Variants in SH3D19 observed in about 807,000 individuals in gnomAD.
SH3D19 encodes the protein SH3 domain-containing protein 19.
Under a neutral mutation model 112.1 loss-of-function variants are expected in SH3D19, and 58 were observed. The observed-to-expected ratio is 0.52, with a 90% CI of 0.42 to 0.64. The LOEUF (loss-of-function observed/expected upper bound fraction) is 0.64. Among genes scored for constraint, SH3D19 ranks in the 30% least tolerant of loss-of-function variants. The probability of loss-of-function intolerance (pLI) is 0.00; values close to 1 mark genes in which losing one functional copy is unlikely to be tolerated. For synonymous variants in SH3D19, 391 were observed against 448.5 expected (o/e 0.87, Z 1.62); for missense variants, 1,090 against 1,263.4 (o/e 0.86, Z 2.08).
rs1317885390 is a variant in SH3D19 at position 151,191,951 on chromosome 4, T to TTTTTTTC, written c.153-4489_153-4488insGAAAAAA. Among the ~76,000 whole-genome samples the TTTTTTTC allele has an allele frequency of 3.9e-3, 260 of 67,432 alleles. 6 individuals are homozygous for TTTTTTTC. The highest frequency in any genetic ancestry group is 6.1e-3 in the Admixed American group (34 of 5,584). The allele number at this position is 67,432 out of a possible 152,430, so 44.2% of individuals were successfully genotyped here. A position where few individuals can be genotyped will look rare whatever the true frequency, so the allele number is the denominator to read the frequency against. On this transcript the variant is annotated intron_variant, in intron 2 of 19. Coordinates refer to ENST00000604030, the MANE Select transcript of SH3D19 (RefSeq NM_001378122.1). ...TGAGCCACCACACCCAGCCCTTTTTTTTTTTTTTTTTTGATACAGAGTCTT... is the reference window on the plus strand; with the variant it reads ...TGAGCCACCACACCCAGCCCTTTTTTTTTTTTCTTTTTTTTTTTTGATACAGAGTCTT...
At chr4:151,236,057 T>A (rs1770008859) in intron 1 of SH3D19, among the ~76,000 whole-genome samples, 1 of 152,224 alleles carries the variant, frequency 6.6e-6, no homozygotes, top group Non-Finnish European at 1.5e-5. Flanking sequence ...CAGTCTCCCC[T>A]CCAATCCAAT....
chr4:151,233,360 C>A (rs1164950162), intron 1 of SH3D19, among the ~76,000 whole-genome samples: 1 of 152,168 alleles, frequency 6.6e-6, no homozygotes, highest in Admixed American at 6.5e-5. Flanking sequence ...ATGAGACCAG[C>A]CCCTGGTGCC....
intron 1 of SH3D19, among the ~76,000 whole-genome samples, chr4:151,267,161 A>AT (rs1456643074): frequency 1.4e-5 from 1 of 70,482 alleles, no homozygotes; most frequent in African/African-American, 2.9e-5. Flanking sequence ...TCTCTCTAAA[A>AT]AAAAAAAAAA....
chr4:151,244,648 A>T (rs1770801290), intron 1 of SH3D19, among the ~76,000 whole-genome samples: 1 of 152,228 alleles, frequency 6.6e-6, no homozygotes, highest in African/African-American at 2.4e-5. Context: ...GTACATTCTG[A>T]GAGAGCCTAA....
At chr4:151,282,856 C>A (rs956859836) in intron 1 of SH3D19, among the ~76,000 whole-genome samples, 1 of 152,058 alleles carries the variant, frequency 6.6e-6, no homozygotes, top group African/African-American at 2.4e-5. Flanking sequence ...TACCTTTACT[C>A]AATCAGAATT....
chr4:151,175,797 G>A, intron 6 of SH3D19, 123 bp from the exon 7 acceptor site: 1 of 996,032 alleles, frequency 1.0e-6, no homozygotes, highest in Middle Eastern at 3.6e-4. Flanking sequence ...AGAGATTTTG[G>A]TTTCTTTTAA....
At chr4:151,190,648 T>C (rs1171918304) in intron 2 of SH3D19, among the ~76,000 whole-genome samples, 1 of 152,110 alleles carries the variant, frequency 6.6e-6, no homozygotes, top group Non-Finnish European at 1.5e-5. Flanking sequence ...TGCACAGAAG[T>C]CAAGAATTGA....
At chr4:151,145,746 T>C (rs1753816467) in intron 11 of SH3D19, among the ~76,000 whole-genome samples, 2 of 152,170 alleles carry the variant, frequency 1.3e-5, no homozygotes, top group African/African-American at 2.4e-5. Flanking sequence ...GAGGCTACGA[T>C]TGGCGTAATG....
chr4:151,226,265 T>C, intron 1 of SH3D19, 179 bp from the exon 2 acceptor site: 1 of 1,221,464 alleles, frequency 8.2e-7, no homozygotes. Context: ...AAAGACACAA[T>C]GAAGGACAGG....
intron 2 of SH3D19, among the ~76,000 whole-genome samples, chr4:151,191,286 G>A (rs187064713): frequency 1.3e-5 from 2 of 152,292 alleles, no homozygotes; most frequent in African/African-American, 2.4e-5. Flanking sequence ...GTGAACTTTT[G>A]AGTTAATACT....
chr4:151,241,746 T>C (rs11945206), intron 1 of SH3D19, among the ~76,000 whole-genome samples: 110,072 of 151,614 alleles, frequency 0.73, 44,758 homozygotes, highest in Non-Finnish European at 0.91. Flanking sequence ...TTATATCTAA[T>C]AAAGCTGTTA....
rs552541246 is a variant in SH3D19, at chr4:151,147,808, C to T, written c.2082+114G>A. Reference sequence around the variant, plus strand: ...GCCTACTCATCTAAAGCACTCTTGGCGTCAAGGGACAATTCCACATTTGTT... The same window carrying T: ...GCCTACTCATCTAAAGCACTCTTGGTGTCAAGGGACAATTCCACATTTGTT... On this transcript the variant is annotated intron_variant, in intron 11 of 19. Transcript: ENST00000604030. 1.7e-4 allele frequency: 228 copies of T among 1,349,930 alleles called. 2 individuals are homozygous for T. Among genetic ancestry groups the T allele is most frequent in the Middle Eastern group, 1.2e-3 (5 of 4,062 alleles). 83.6% of individuals were successfully genotyped at this position (1,349,930 alleles called of 1,614,324 possible).
chr4:151,152,082 GA>G (rs1345115804), intron 9 of SH3D19, among the ~76,000 whole-genome samples: 1 of 151,944 alleles, frequency 6.6e-6, no homozygotes, highest in Non-Finnish European at 1.5e-5. Context: ...TTTTAAATCA[GA>G]AAAAAAGAGT....
At chr4:151,323,547 G>T (rs73861158) in intron 1 of SH3D19, among the ~76,000 whole-genome samples, 1 of 151,984 alleles carries the variant, frequency 6.6e-6, no homozygotes, top group Non-Finnish European at 1.5e-5. Flanking sequence ...TCCAAAAATC[G>T]CAAGTTTAAC....
intron 2 of SH3D19, among the ~76,000 whole-genome samples, chr4:151,208,089 T>A (rs1580161883): frequency 6.6e-6 from 1 of 152,198 alleles, no homozygotes; most frequent in Admixed American, 6.5e-5. Context: ...ATAAAGGCAT[T>A]ATGTCAGTGT....
At chr4:151,275,061 T>C (rs983155266) in intron 1 of SH3D19, among the ~76,000 whole-genome samples, 8 of 151,838 alleles carry the variant, frequency 5.3e-5, no homozygotes, top group Non-Finnish European at 8.8e-5. Context: ...TACTCTGAAG[T>C]ATGGAAGTGC....
At chr4:151,143,104 G>A (rs1322323005) in intron 12 of SH3D19, among the ~76,000 whole-genome samples, 1 of 151,996 alleles carries the variant, frequency 6.6e-6, no homozygotes, top group Non-Finnish European at 1.5e-5. Flanking sequence ...AGGCATGGTG[G>A]TGCACGCCTG....
intron 14 of SH3D19, among the ~76,000 whole-genome samples, chr4:151,135,617 AG>A (rs1292076098): frequency 2.0e-5 from 3 of 151,908 alleles, no homozygotes; most frequent in Non-Finnish European, 4.4e-5. Flanking sequence ...TAGTAGAGAC[AG>A]GGTTTCACCA....
At chr4:151,251,710 C>T (rs1771422489) in intron 1 of SH3D19, among the ~76,000 whole-genome samples, 1 of 152,178 alleles carries the variant, frequency 6.6e-6, no homozygotes, top group African/African-American at 2.4e-5. Context: ...GAAAACCTCA[C>T]CCTGCTTGCA....
Sources: allele counts gnomAD v4.1 joint callset (sites outside exome capture counted in the v4.1 genomes callset), GRCh38; gene constraint gnomAD v4.1.1; transcripts MANE v1.5; gene names NCBI Gene and HGNC (gene_info 2026-07-23, HGNC 2026-07-21).